The following SCRT2 variants were observed in gnomAD, a reference collection of about 807,000 sequenced individuals.
SCRT2 encodes the protein transcriptional repressor scratch 2.
SCRT2 carries 2 observed loss-of-function variants against 3.7 expected under a neutral mutation model. The observed-to-expected ratio is 0.54, with a 90% CI of 0.22 to 1.70. The LOEUF (loss-of-function observed/expected upper bound fraction) is 1.70, where lower values mean the gene tolerates loss of function less well. SCRT2 is among the 40% of genes most tolerant of loss of function. The pLI is 0.19. For synonymous variants in SCRT2, 256 were observed against 220.6 expected (o/e 1.16, Z -1.42); for missense variants, 456 against 468.5 (o/e 0.97, Z 0.25).
At position 663,998 on chromosome 20, in the gene SCRT2, G is replaced by C; in HGVS notation, c.597C>G (p.Pro199=). 1.2e-6 allele frequency: 2 copies of C among 1,611,610 alleles called. No individual in the cohort carries two copies. Among genetic ancestry groups the C allele is most frequent in the Non-Finnish European group, 8.5e-7 (1 of 1,179,624 alleles). Residue 199 remains proline, a synonymous_variant, in exon 2 of 2, where the codon CCC becomes CCG. Coordinates refer to ENST00000246104, the MANE Select transcript of SCRT2 (RefSeq NM_033129.4). This position sits in a 1 kb window ranked among gnomAD's most constrained non-coding sequence, Gnocchi z 6.9. The stretch of plus-strand genomic sequence containing the variant: ...GCGTGAGCAGGTGCATGGCGAGCGC[G>C]GGCATGGACACGTAGGCCTTGCCGC... ...PTCGKAYVSM[P]ALAMHLLTHN...
intron 1 of SCRT2, among the ~76,000 whole-genome samples, chr20:674,685 T>C (rs534722915): frequency 7.7e-6 from 1 of 130,186 alleles, no homozygotes; most frequent in Non-Finnish European, 1.6e-5. Flanking sequence ...TGAGAAGAGA[T>C]GGAGTGTGTG....
intron 1 of SCRT2, among the ~76,000 whole-genome samples, chr20:674,395 TCTCTCACACACA>T (rs1298412411): frequency 1.0e-5 from 1 of 98,186 alleles, no homozygotes; most frequent in African/African-American, 3.7e-5. Flanking sequence ...TCTCTCTCTC[TCTCTCACACACA>T]CACACACACA....
At position 675,539 on chromosome 20, in the gene SCRT2, C is replaced by T. The variant is rs774936909; in HGVS notation, c.63G>A (p.Pro21=). 13 of 1,395,698 alleles carry T rather than the reference C, an allele frequency of 9.3e-6. No individual in the cohort carries two copies. The South Asian group carries it at 1.8e-4, about 19-fold the overall frequency. The allele number at this position is 1,395,698 out of a possible 1,614,324, so 86.5% of individuals were successfully genotyped here. Residue 21 remains proline, a synonymous_variant, in exon 1 of 2, where the codon CCG becomes CCA. Coordinates refer to ENST00000246104, the MANE Select transcript of SCRT2 (RefSeq NM_033129.4). The surrounding 1 kb of genome is among the most constrained non-coding windows in gnomAD (Gnocchi z 6.9). ...TCTCCAAGGGGTGGTAGGTGGGGGCCGGCACCCCGCTGCACTGGAAGCCGT... is the reference window on the plus strand; with the variant it reads ...TCTCCAAGGGGTGGTAGGTGGGGGCTGGCACCCCGCTGCACTGGAAGCCGT... The part of the protein sequence containing the change: ...KGDGFQCSGV[P]APTYHPLETA...
In SCRT2 at chr20:661,977, G is replaced by C. The variant is rs1983964336; in HGVS notation, c.*1694C>G. 6.5e-6 allele frequency: 1 copy of C among 152,712 alleles called. No homozygotes were observed. The highest frequency in any genetic ancestry group is 1.5e-5 in the Non-Finnish European group (1 of 68,088). The allele number at this position is 152,712 out of a possible 1,614,324, so 9.5% of individuals were successfully genotyped here. ...CTAAGAGGAGGGGAGAGGAGGATCT[G>C]AGAGTCCAGGACTCCTGCCCCCAAG... On this transcript the variant is annotated 3_prime_UTR_variant, in exon 2 of 2. Coordinates refer to ENST00000246104, the MANE Select transcript of SCRT2 (RefSeq NM_033129.4).
At position 675,720 on chromosome 20, in the gene SCRT2, G is replaced by C. The variant is rs549813204; in HGVS notation, c.-119C>G. 2.1e-5 allele frequency: 14 copies of C among 670,004 alleles called. No individual in the cohort carries two copies. The South Asian group carries it at 5.6e-4, about 27-fold the overall frequency. 41.5% of individuals were successfully genotyped at this position (670,004 alleles called of 1,614,324 possible). ...CGGGCTGGAGCGCGGGAGGCCGCTC[G>C]GAGCCGGCACCGGTGGCGGCGGCCC... On this transcript the variant is annotated 5_prime_UTR_variant, in exon 1 of 2. Coordinates refer to ENST00000246104, the MANE Select transcript of SCRT2 (RefSeq NM_033129.4). The surrounding 1 kb of genome is among the most constrained non-coding windows in gnomAD (Gnocchi z 6.9).
Position 664,250 on chromosome 20 carries a change from G to T in SCRT2, c.345C>A (p.Asp115Glu). Residue 115 changes from aspartate to glutamate, a missense_variant, in exon 2 of 2, where the codon GAC becomes GAA. Coordinates refer to ENST00000246104, the MANE Select transcript of SCRT2 (RefSeq NM_033129.4). This position sits in a 1 kb window ranked among gnomAD's most constrained non-coding sequence, Gnocchi z 7.9. The stretch of plus-strand genomic sequence containing the variant: ...CGCCCCGCCGCCGCCGCGAGCGCCC[G>T]TCCGAGATGAAGAAGGCGTCCATGG... The part of the protein sequence containing the change: ...SYSMDAFFIS[D>E]GRSRRRRGGG... 1.5e-6 allele frequency: 2 copies of T among 1,371,306 alleles called. No homozygotes were observed. The highest frequency in any genetic ancestry group is 9.6e-7 in the Non-Finnish European group (1 of 1,046,740). 84.9% of individuals were successfully genotyped at this position (1,371,306 alleles called of 1,614,324 possible).
rs754917147 is a variant in SCRT2 at position 667,086 on chromosome 20, G to A, written c.134-2625C>T. Among the ~76,000 whole-genome samples, 4 of 152,148 alleles carry A rather than the reference G, an allele frequency of 2.6e-5. No individual in the cohort carries two copies. The highest frequency in any genetic ancestry group is 4.4e-5 in the Non-Finnish European group (3 of 68,032). ...AGTGTGACCTTGGCCAAACGATTTGGCCTCTGTGTGACTCTACCGTTTCAG... is the reference window on the plus strand; with the variant it reads ...AGTGTGACCTTGGCCAAACGATTTGACCTCTGTGTGACTCTACCGTTTCAG... On this transcript the variant is annotated intron_variant, in intron 1 of 1. Coordinates refer to ENST00000246104, the MANE Select transcript of SCRT2 (RefSeq NM_033129.4). This position sits in a 1 kb window ranked among gnomAD's most constrained non-coding sequence, Gnocchi z 4.4.
In SCRT2 at chr20:664,527, G is replaced by C; in HGVS notation, c.134-66C>G. ...CCGAAGAGGGTTTCCCGCTTTGAGC[G>C]CGTCACCCTTTGCGCCTTCCAGCTT... On this transcript the variant is annotated intron_variant, in intron 1 of 1. Transcript: ENST00000246104. This position sits in a 1 kb window ranked among gnomAD's most constrained non-coding sequence, Gnocchi z 7.9. 3 of 1,141,834 alleles carry C rather than the reference G, an allele frequency of 2.6e-6. No individual in the cohort carries two copies. The highest frequency in any genetic ancestry group is 3.3e-6 in the Non-Finnish European group (3 of 903,062). The allele number at this position is 1,141,834 out of a possible 1,614,324, so 70.7% of individuals were successfully genotyped here. A position where few individuals can be genotyped will look rare whatever the true frequency, so the allele number is the denominator to read the frequency against.
Position 666,006 on chromosome 20 carries a change from C to T in SCRT2, c.134-1545G>A, listed in dbSNP as rs1004609172. ...CAGCCTCCAGGCCTTTGCCTCTCAT[C>T]TGGAGTTTGGGATGGACACAGGGTG... is the stretch of plus-strand genomic sequence containing the variant. On this transcript the variant is annotated intron_variant, in intron 1 of 1. Coordinates refer to ENST00000246104, the MANE Select transcript of SCRT2 (RefSeq NM_033129.4). This position sits in a 1 kb window ranked among gnomAD's most constrained non-coding sequence, Gnocchi z 4.4. Among the ~76,000 whole-genome samples the T allele has an allele frequency of 2.0e-4, 30 of 152,218 alleles. No homozygotes were observed. Among genetic ancestry groups the T allele is most frequent in the African/African-American group, 7.2e-4 (30 of 41,450 alleles).
chr20:674,431 AC>A (rs67611009), intron 1 of SCRT2, among the ~76,000 whole-genome samples: 1 of 115,146 alleles, frequency 8.7e-6, no homozygotes, highest in Non-Finnish European at 2.0e-5. Flanking sequence ...ACACACACAC[AC>A]ACACACACAA....
rs1983998869 is a variant in SCRT2 at position 662,726 on chromosome 20, T to C, written c.*945A>G. On this transcript the variant is annotated 3_prime_UTR_variant, in exon 2 of 2. Coordinates refer to ENST00000246104, the MANE Select transcript of SCRT2 (RefSeq NM_033129.4). ...GTGCTCCAGACCTCCCCCCAACAAG[T>C]AAGGAAGGGGATCTGTGGCCCTGGG... The C allele has an allele frequency of 6.6e-6, 1 of 152,110 alleles. No homozygotes were observed. Among genetic ancestry groups the C allele is most frequent in the Admixed American group, 6.6e-5 (1 of 15,242 alleles). The allele number at this position is 152,110 out of a possible 1,614,324, so 9.4% of individuals were successfully genotyped here.
chr20:663,638 G>A lies in SCRT2; in HGVS notation c.*33C>T, dbSNP rs1205694148. 1.5e-6 allele frequency: 2 copies of A among 1,369,846 alleles called. No individual in the cohort carries two copies. The highest frequency in any genetic ancestry group is 3.7e-5 in the Admixed American group (1 of 26,992). The allele number at this position is 1,369,846 out of a possible 1,614,324, so 84.9% of individuals were successfully genotyped here. On this transcript the variant is annotated 3_prime_UTR_variant, in exon 2 of 2. Coordinates refer to ENST00000246104, the MANE Select transcript of SCRT2 (RefSeq NM_033129.4). The surrounding 1 kb of genome is among the most constrained non-coding windows in gnomAD (Gnocchi z 6.9). ...GTAGGGGGCCCGGGGCGCGTGGAGA[G>A]CGAGTTCCGGGCGCGAGGGCGAGGC...
rs1984045291 is a variant in SCRT2, at chr20:663,768, C to T, written c.827G>A (p.Ser276Asn). Residue 276 changes from serine to asparagine, a missense_variant, in exon 2 of 2, where the codon AGC becomes AAC. This residue lies in a region of SCRT2 where 144 missense variants were observed against 141.9 expected (regional missense o/e 1.01). Transcript: ENST00000246104. The surrounding 1 kb of genome is among the most constrained non-coding windows in gnomAD (Gnocchi z 6.9). Reference protein sequence around the residue: ...KHYRCRQCDKSFALKSYLHKH... With the variant: ...KHYRCRQCDKNFALKSYLHKH... ...GTGGAGGTAGGACTTGAGCGCGAAG[C>T]TCTTGTCGCACTGGCGGCAGCGGTA... 6.3e-7 allele frequency: 1 copy of T among 1,585,614 alleles called. No individual in the cohort carries two copies.
intron 1 of SCRT2, among the ~76,000 whole-genome samples, chr20:668,933 C>T (rs938380506): frequency 1.3e-5 from 2 of 152,198 alleles, no homozygotes; most frequent in Admixed American, 1.3e-4. Context: ...AGACATTGCC[C>T]TGTGCCCAGA....
rs1984032211 is a variant in SCRT2 at position 663,586 on chromosome 20, G to C, written c.*85C>G. The C allele has an allele frequency of 8.1e-7, 1 of 1,230,380 alleles. No homozygotes were observed. The allele number at this position is 1,230,380 out of a possible 1,614,324, so 76.2% of individuals were successfully genotyped here. On this transcript the variant is annotated 3_prime_UTR_variant, in exon 2 of 2. Transcript: ENST00000246104. The surrounding 1 kb of genome is among the most constrained non-coding windows in gnomAD (Gnocchi z 6.9). ...GTCATGGGCAGGGAAACGCAGCCGG[G>C]GCTGGGCGAGGGCGCTGCGGGCGCA...
In SCRT2 at chr20:664,552, T is replaced by C. The variant is rs1051079880; in HGVS notation, c.134-91A>G. Reference sequence around the variant, plus strand: ...GCGTCACCCTTTGCGCCTTCCAGCTTGGCGCCCCTGTGGCAGCTCCGACAG... The same window carrying C: ...GCGTCACCCTTTGCGCCTTCCAGCTCGGCGCCCCTGTGGCAGCTCCGACAG... On this transcript the variant is annotated intron_variant, in intron 1 of 1. Coordinates refer to ENST00000246104, the MANE Select transcript of SCRT2 (RefSeq NM_033129.4). The surrounding 1 kb of genome is among the most constrained non-coding windows in gnomAD (Gnocchi z 7.9). 1.7e-5 allele frequency: 16 copies of C among 962,266 alleles called. No individual in the cohort carries two copies. In the South Asian group the frequency reaches 5.6e-4, roughly 34 times the overall value. The allele number at this position is 962,266 out of a possible 1,614,324, so 59.6% of individuals were successfully genotyped here. A position where few individuals can be genotyped will look rare whatever the true frequency, so the allele number is the denominator to read the frequency against.
intron 1 of SCRT2, among the ~76,000 whole-genome samples, chr20:674,399 T>TCTCACA (rs1399542427): frequency 6.5e-4 from 69 of 106,786 alleles, no homozygotes; most frequent in African/African-American, 2.2e-3. Context: ...TCTCTCTCTC[T>TCTCACA]CACACACACA....
Position 663,634 on chromosome 20 carries a change from G to A in SCRT2, c.*37C>T, listed in dbSNP as rs1274810947. 1 of 1,353,004 alleles carries A rather than the reference G, an allele frequency of 7.4e-7. No individual in the cohort carries two copies. The highest frequency in any genetic ancestry group is 9.4e-7 in the Non-Finnish European group (1 of 1,060,460). 83.8% of individuals were successfully genotyped at this position (1,353,004 alleles called of 1,614,324 possible). A position where few individuals can be genotyped will look rare whatever the true frequency, so the allele number is the denominator to read the frequency against. On this transcript the variant is annotated 3_prime_UTR_variant, in exon 2 of 2. Coordinates refer to ENST00000246104, the MANE Select transcript of SCRT2 (RefSeq NM_033129.4). This position sits in a 1 kb window ranked among gnomAD's most constrained non-coding sequence, Gnocchi z 6.9. ...GCAGGTAGGGGGCCCGGGGCGCGTGGAGAGCGAGTTCCGGGCGCGAGGGCG... is the reference window on the plus strand; with the variant it reads ...GCAGGTAGGGGGCCCGGGGCGCGTGAAGAGCGAGTTCCGGGCGCGAGGGCG...
intron 1 of SCRT2, among the ~76,000 whole-genome samples, chr20:672,384 T>G (rs1984360921): frequency 8.5e-6 from 1 of 117,164 alleles, no homozygotes; most frequent in African/African-American, 3.3e-5. Context: ...AGAAGAGCAT[T>G]GCTCGTGTGT....
Sources: allele counts gnomAD v4.1 joint callset (sites outside exome capture counted in the v4.1 genomes callset), GRCh38; gene constraint gnomAD v4.1.1; regional missense constraint gnomAD v4.1.1; non-coding constraint Gnocchi (gnomAD v3.1); transcripts MANE v1.5; gene names NCBI Gene and HGNC (gene_info 2026-07-23, HGNC 2026-07-21).